WIPF1: variants seen among roughly 807,000 people sequenced by gnomAD.
WIPF1 encodes the protein WAS/WASL interacting protein family member 1, also known as WAS/WASL-interacting protein family member 1.
In WIPF1, 13 loss-of-function variants were observed where a neutral mutation model predicts 35.4. The observed-to-expected ratio is 0.37, with a 90% CI of 0.24 to 0.58. The LOEUF is 0.58. Among genes scored for constraint, WIPF1 ranks in the 20% least tolerant of loss-of-function variants. WIPF1 has a pLI of 0.74. For missense variants in WIPF1, 591 were observed against 667.0 expected (o/e 0.89, Z 1.25); for synonymous variants, 267 against 266.3 (o/e 1.00, Z -0.02).
At chr2:174,563,821 G>A (rs2105786478) in intron 7 of WIPF1, among the ~76,000 whole-genome samples, 1 of 152,288 alleles carries the variant, frequency 6.6e-6, no homozygotes, top group Admixed American at 6.5e-5. Context: ...TCCTCAAGTA[G>A]GCATCTTGAT....
At chr2:174,664,352 C>T (rs1025790773) in intron 1 of WIPF1, among the ~76,000 whole-genome samples, 1 of 152,212 alleles carries the variant, frequency 6.6e-6, no homozygotes, top group Admixed American at 6.5e-5. Flanking sequence ...CAAGACCACT[C>T]CTCAGCCTCA....
chr2:174,569,992 T>C (rs1184332026), intron 5 of WIPF1, among the ~76,000 whole-genome samples: 1 of 152,236 alleles, frequency 6.6e-6, no homozygotes, highest in Non-Finnish European at 1.5e-5. Flanking sequence ...TAGTTTACTA[T>C]GCACACTCAC....
chr2:174,673,564 CCT>C (rs1688065632), intron 1 of WIPF1: 2 of 152,278 alleles, frequency 1.3e-5, no homozygotes. Flanking sequence ...CTGTCTTCTC[CCT>C]GATTCAGCGC....
upstream of WIPF1, chr2:174,598,197 G>C (rs1685881383): frequency 1.3e-5 from 2 of 152,210 alleles, no homozygotes; most frequent in Non-Finnish European, 2.9e-5. Flanking sequence ...ATTAGGCTAA[G>C]GGCTTCTTCT....
At chr2:174,639,433 T>C (rs990751898) in intron 1 of WIPF1, among the ~76,000 whole-genome samples, 1 of 152,176 alleles carries the variant, frequency 6.6e-6, no homozygotes, top group Non-Finnish European at 1.5e-5. Flanking sequence ...TTTAAATTTT[T>C]TGTAGAGACG....
At chr2:174,609,627 A>C (rs559236564) in intron 1 of WIPF1, among the ~76,000 whole-genome samples, 15 of 152,354 alleles carry the variant, frequency 9.8e-5, no homozygotes, top group African/African-American at 3.6e-4. Context: ...TTAAGACTAC[A>C]TTGATTTGGA....
intron 4 of WIPF1, chr2:174,574,757 T>G: frequency 6.8e-5 from 44 of 649,554 alleles, no homozygotes; most frequent in East Asian, 1.4e-4. Flanking sequence ...TCAGATTTAG[T>G]GAGATTTGTA....
intron 1 of WIPF1, among the ~76,000 whole-genome samples, chr2:174,650,312 A>C (rs1687508634): frequency 6.6e-6 from 1 of 152,234 alleles, no homozygotes; most frequent in African/African-American, 2.4e-5. Context: ...CCTCCCAGCA[A>C]CTGAGAACAG....
In WIPF1 at chr2:174,561,334, CT is replaced by C; in HGVS notation, c.*1212del. ...TTTCTGATTTGATATATTTTCCTGA[CT>C]TTTTTCCCCTCCTACCAAGCCTTCC... On this transcript the variant is annotated 3_prime_UTR_variant, in exon 8 of 8. Transcript: ENST00000679041. 6.6e-6 allele frequency: 1 copy of C among 152,298 alleles called. No individual in the cohort carries two copies. Among genetic ancestry groups the C allele is most frequent in the Non-Finnish European group, 1.5e-5 (1 of 68,054 alleles). The allele number at this position is 152,298 out of a possible 1,614,324, so 9.4% of individuals were successfully genotyped here. A position where few individuals can be genotyped will look rare whatever the true frequency, so the allele number is the denominator to read the frequency against.
intron 1 of WIPF1, among the ~76,000 whole-genome samples, chr2:174,659,060 T>C (rs1264750166): frequency 6.6e-6 from 1 of 152,154 alleles, no homozygotes; most frequent in East Asian, 1.9e-4. Context: ...AACACTGAAA[T>C]TATTTGCAGA....
chr2:174,650,137 G>T (rs1687505242), intron 1 of WIPF1, among the ~76,000 whole-genome samples: 1 of 151,950 alleles, frequency 6.6e-6, no homozygotes, highest in Admixed American at 6.6e-5. Context: ...TTGGTTCAGG[G>T]GACCTCTTCC....
At chr2:174,624,280 G>A (rs1686759401) in intron 1 of WIPF1, among the ~76,000 whole-genome samples, 1 of 152,198 alleles carries the variant, frequency 6.6e-6, no homozygotes, top group Non-Finnish European at 1.5e-5. Flanking sequence ...GTGAGTGGAG[G>A]AGAAGTCTTC....
chr2:174,637,643 C>T (rs1382013494), intron 1 of WIPF1, among the ~76,000 whole-genome samples: 5 of 152,106 alleles, frequency 3.3e-5, no homozygotes, highest in African/African-American at 1.2e-4. Context: ...AAAAATGAGC[C>T]GGGCATGGTG....
chr2:174,584,084 G>A (rs997449685), intron 2 of WIPF1, among the ~76,000 whole-genome samples: 2 of 152,072 alleles, frequency 1.3e-5, no homozygotes, highest in Non-Finnish European at 2.9e-5. Context: ...CAAAGTGCAC[G>A]CCTGGCCAAG....
intron 1 of WIPF1, among the ~76,000 whole-genome samples, chr2:174,671,493 A>C (rs989158880): frequency 4.6e-5 from 7 of 152,238 alleles, no homozygotes; most frequent in African/African-American, 1.7e-4. Flanking sequence ...AGCAATGTTC[A>C]GGGAACAAGG....
intron 1 of WIPF1, among the ~76,000 whole-genome samples, chr2:174,671,254 A>G (rs1051700653): frequency 7.2e-5 from 11 of 152,236 alleles, no homozygotes; most frequent in African/African-American, 2.7e-4. Flanking sequence ...AAATCTCTGA[A>G]CATAAGTTAT....
At chr2:174,627,287 A>G (rs1398206091) in intron 1 of WIPF1, among the ~76,000 whole-genome samples, 1 of 152,210 alleles carries the variant, frequency 6.6e-6, no homozygotes, top group African/African-American at 2.4e-5. Context: ...TAAGATCCAC[A>G]TGGAAGATAC....
At chr2:174,599,102 G>A (rs1487751921), upstream of WIPF1, among the ~76,000 whole-genome samples, 13 of 152,212 alleles carry the variant, frequency 8.5e-5, no homozygotes, top group East Asian at 3.8e-4. Context: ...TGAAAAGAAC[G>A]TATGTTGTCT....
intron 1 of WIPF1, among the ~76,000 whole-genome samples, chr2:174,681,726 C>T (rs1189924429): frequency 6.6e-6 from 1 of 152,058 alleles, no homozygotes; most frequent in Non-Finnish European, 1.5e-5. Context: ...GGGGGCAGGA[C>T]GGACACACGC....
Sources: allele counts gnomAD v4.1 joint callset (sites outside exome capture counted in the v4.1 genomes callset), GRCh38; gene constraint gnomAD v4.1.1; transcripts MANE v1.5; gene names NCBI Gene and HGNC (gene_info 2026-07-23, HGNC 2026-07-21).